ZNF292: variants seen among roughly 807,000 people sequenced by gnomAD.
The protein encoded by ZNF292 is zinc finger protein 292.
Under a neutral mutation model 217.9 loss-of-function variants are expected in ZNF292, and 26 were observed. That is an observed-to-expected ratio of 0.12 (90% CI 0.09 to 0.17). The LOEUF is 0.17. ZNF292 is among the 10% of genes least tolerant of loss of function. The pLI, the probability that ZNF292 is intolerant of heterozygous loss-of-function variation, is 1.00. For missense variants in ZNF292, 2,904 were observed against 3,175.2 expected, an observed-to-expected ratio of 0.91 and a Z score of 2.05; for synonymous variants, 1,257 against 1,124.1, an observed-to-expected ratio of 1.12 and a Z score of -2.37.
At chr6:87,253,003 T>C (rs1775008916) in intron 7 of ZNF292, among the ~76,000 whole-genome samples, 1 of 151,946 alleles carries the variant, frequency 6.6e-6, no homozygotes. Flanking sequence ...AATTCCCAAT[T>C]TCAAGCAATC....
intron 1 of ZNF292, among the ~76,000 whole-genome samples, chr6:87,162,683 T>C (rs1438337054): frequency 6.6e-6 from 1 of 152,248 alleles, no homozygotes; most frequent in Non-Finnish European, 1.5e-5. Context: ...CCCCTTCTTA[T>C]CCTTTTTGGA....
chr6:87,159,914 A>G (rs1770675220), intron 1 of ZNF292, among the ~76,000 whole-genome samples: 1 of 152,230 alleles, frequency 6.6e-6, no homozygotes, highest in Non-Finnish European at 1.5e-5. Context: ...TTGACTTAGA[A>G]TAAGTATATA....
Position 87,258,239 on chromosome 6 carries a change from T to G in ZNF292, c.4610T>G (p.Leu1537Trp), listed in dbSNP as rs1775347725. Reference protein sequence around the residue: ...VMPNPTVPPLLHTVCHPNTLL... With the variant: ...VMPNPTVPPLWHTVCHPNTLL... ...CCAAATCCAACTGTACCACCCCTGTTGCACACTGTATGCCATCCAAACACC... is the reference window on the plus strand; with the variant it reads ...CCAAATCCAACTGTACCACCCCTGTGGCACACTGTATGCCATCCAAACACC... Residue 1537 changes from leucine to tryptophan, a missense_variant, in exon 8 of 8, where the codon TTG (leucine) becomes TGG (tryptophan). This residue lies in a region of ZNF292 where 622 missense variants were observed against 573.1 expected (regional missense o/e 1.09). Transcript: ENST00000369577. 1 of 1,612,692 alleles carries G rather than the reference T, an allele frequency of 6.2e-7. No homozygotes were observed. The highest frequency in any genetic ancestry group is 8.5e-7 in the Non-Finnish European group (1 of 1,179,512).
chr6:87,237,345 A>G (rs921383934), intron 5 of ZNF292, among the ~76,000 whole-genome samples: 14 of 152,122 alleles, frequency 9.2e-5, no homozygotes, highest in African/African-American at 3.1e-4. Flanking sequence ...CCGGGGTTCA[A>G]TTAATTTTGC....
chr6:87,222,812 T>C (rs1168901396), intron 4 of ZNF292: 1 of 453,788 alleles, frequency 2.2e-6, no homozygotes. Context: ...CGTCATGTCT[T>C]CTTAGGCTCC....
At chr6:87,193,871 A>T (rs1771886236) in intron 1 of ZNF292, among the ~76,000 whole-genome samples, 1 of 152,240 alleles carries the variant, frequency 6.6e-6, no homozygotes, top group Non-Finnish European at 1.5e-5. Flanking sequence ...AAAAAATCTG[A>T]AACACTTCTG....
At position 87,210,318 on chromosome 6, in the gene ZNF292, A is replaced by G. The variant is rs575253706; in HGVS notation, c.169-5585A>G. On this transcript the variant is annotated intron_variant, in intron 1 of 7. Coordinates refer to ENST00000369577, the MANE Select transcript of ZNF292 (RefSeq NM_015021.3). ...TACATAGTTTAATTTGTGGTATCAA[A>G]ATATCATTGAGGATGATGAACAATT... is the stretch of plus-strand genomic sequence containing the variant. 9.8e-5 allele frequency among the ~76,000 whole-genome samples: 15 copies of G among 152,314 alleles called. No homozygotes were observed. In the East Asian group the frequency reaches 2.9e-3, roughly 29 times the overall value.
chr6:87,155,999 C>T (rs1582354300), intron 1 of ZNF292, among the ~76,000 whole-genome samples: 3 of 152,264 alleles, frequency 2.0e-5, no homozygotes, highest in South Asian at 4.1e-4. Flanking sequence ...CCCCCCTCCC[C>T]TTTCCTTCCC....
At position 87,218,597 on chromosome 6, in the gene ZNF292, T is replaced by G; in HGVS notation, c.404T>G (p.Val135Gly). Residue 135 changes from valine to glycine, a missense_variant and splice_region_variant, in exon 4 of 8, where the codon GTA (valine) becomes GGA (glycine). Coordinates refer to ENST00000369577, the MANE Select transcript of ZNF292 (RefSeq NM_015021.3). ...TGGATGTTTATTTAATATTTATAGG[T>G]AGCTCATGAAAAGCTGATGGAGAAT... ...QWEQFQTLVQ[V>G]AHEKLMENGS... 6.5e-7 allele frequency: 1 copy of G among 1,541,902 alleles called. No homozygotes were observed.
At chr6:87,217,565 A>C (rs1042562683) in intron 3 of ZNF292, among the ~76,000 whole-genome samples, 3 of 152,146 alleles carry the variant, frequency 2.0e-5, no homozygotes, top group Non-Finnish European at 4.4e-5. Context: ...AATATGCATA[A>C]CCAGAATTCC....
At chr6:87,242,032 T>C (rs1005395546) in intron 5 of ZNF292, among the ~76,000 whole-genome samples, 8 of 152,234 alleles carry the variant, frequency 5.3e-5, no homozygotes, top group African/African-American at 1.9e-4. Context: ...GTATATAAAA[T>C]GTTAGTGATA....
intron 1 of ZNF292, among the ~76,000 whole-genome samples, chr6:87,190,535 G>A (rs142044531): frequency 0.011 from 1,630 of 152,044 alleles, 21 homozygotes; most frequent in African/African-American, 0.036. Context: ...GTGCAGTGGC[G>A]CAATCTTGGC....
In ZNF292 at chr6:87,236,846, C is replaced by T. The variant is rs200038415; in HGVS notation, c.741+3319C>T. On this transcript the variant is annotated intron_variant, in intron 5 of 7. Transcript: ENST00000369577. Reference sequence around the variant, plus strand: ...CATATAGATCAACCTTATTCTTTCTCATGGCTACATAATTCCATAGTATGC... The same window carrying T: ...CATATAGATCAACCTTATTCTTTCTTATGGCTACATAATTCCATAGTATGC... 4.5e-4 allele frequency among the ~76,000 whole-genome samples: 68 copies of T among 152,314 alleles called. No individual in the cohort carries two copies. The East Asian group carries it at 0.012, about 26-fold the overall frequency.
At chr6:87,155,977 A>C (rs995790227) in intron 1 of ZNF292, among the ~76,000 whole-genome samples, 1 of 152,178 alleles carries the variant, frequency 6.6e-6, no homozygotes, top group Non-Finnish European at 1.5e-5. Context: ...AGTTGCGGTC[A>C]AGGCGGAAAA....
rs751195896 is a variant in ZNF292 at position 87,257,917 on chromosome 6, A to G, written c.4288A>G (p.Asn1430Asp). The G allele has an allele frequency of 4.3e-6, 7 of 1,613,894 alleles. No individual in the cohort carries two copies. The South Asian group carries it at 5.5e-5, about 13-fold the overall frequency. ...TCTTGCCAGCATGATTCTCTCCACA[A>G]ATGCAGTAAATTTGCAGCAGCCACA... ...SLLASMILST[N>D]AVNLQQPQQS... The change falls in exon 8 of 8, where the codon AAT (asparagine) becomes GAT (aspartate). Residue 1430 changes from asparagine (N) to aspartate (D), a missense_variant. Coordinates refer to ENST00000369577, the MANE Select transcript of ZNF292 (RefSeq NM_015021.3).
In ZNF292 at chr6:87,201,924, C is replaced by T. The variant is rs192972296; in HGVS notation, c.169-13979C>T. Among the ~76,000 whole-genome samples the T allele has an allele frequency of 1.8e-3, 279 of 152,296 alleles. 1 individual carries two copies. Among genetic ancestry groups the T allele is most frequent in the Non-Finnish European group, 2.0e-3 (135 of 68,030 alleles). ...ATGTAATTCTGTTTTAAAGCTCTTTCATTTCTGTCATCTATGTCTATAACA... is the reference window on the plus strand; with the variant it reads ...ATGTAATTCTGTTTTAAAGCTCTTTTATTTCTGTCATCTATGTCTATAACA... On this transcript the variant is annotated intron_variant, in intron 1 of 7. Transcript: ENST00000369577.
intron 1 of ZNF292, among the ~76,000 whole-genome samples, chr6:87,174,595 G>T (rs6909021): frequency 0.63 from 95,190 of 151,766 alleles, 31,328 homozygotes; most frequent in African/African-American, 0.83. Context: ...TGCTTGCTTC[G>T]CTGTACTAAG....
At chr6:87,188,610 A>G (rs1024920300) in intron 1 of ZNF292, among the ~76,000 whole-genome samples, 2 of 152,126 alleles carry the variant, frequency 1.3e-5, no homozygotes, top group Non-Finnish European at 2.9e-5. Flanking sequence ...TGAAAATTAC[A>G]TGATTATTTA....
chr6:87,261,468 C>G lies in ZNF292; in HGVS notation c.7839C>G (p.Asp2613Glu). 1 of 1,604,638 alleles carries G rather than the reference C, an allele frequency of 6.2e-7. No individual in the cohort carries two copies. The highest frequency in any genetic ancestry group is 8.5e-7 in the Non-Finnish European group (1 of 1,175,004). The change falls in exon 8 of 8, where the codon GAC becomes GAG. Residue 2613 changes from aspartate to glutamate, a missense_variant. Around this residue, in one of 15 missense-constraint regions of ZNF292, gnomAD observed 380 missense variants for 355.3 expected, o/e 1.07. Transcript: ENST00000369577. ...AVKQKKNTDK[D>E]HPNTGNKKGS... ...AGCAGAAGAAAAATACTGACAAAGA[C>G]CATCCGAATACTGGAAACAAAAAAG...
Sources: gnomAD v4.1 joint callset for allele counts (sites outside exome capture counted in the v4.1 genomes callset) on GRCh38, gnomAD v4.1.1 for gene constraint, gnomAD v4.1.1 regional missense constraint, MANE v1.5 for transcripts, NCBI Gene and HGNC (gene_info 2026-07-23, HGNC 2026-07-21) for gene names.